The following GINM1 variants were observed in gnomAD, a reference collection of about 807,000 sequenced individuals.
GINM1 encodes glycosylated integral membrane protein 1, also known as glycoprotein integral membrane protein 1.
GINM1 carries 29 observed loss-of-function variants against 37.8 expected under a neutral mutation model. The ratio of observed to expected loss-of-function variants is 0.77; its 90% CI spans 0.57 to 1.05. The LOEUF is 1.05. Among genes scored for constraint, GINM1 ranks in the 50% least tolerant of loss-of-function variants. The probability of loss-of-function intolerance (pLI) is 0.00; values close to 1 mark genes in which losing one functional copy is unlikely to be tolerated. For missense variants in GINM1, 377 were observed against 397.9 expected (o/e 0.95, Z 0.45); for synonymous variants, 143 against 146.2 (o/e 0.98, Z 0.16).
intron 6 of GINM1, 106 bp downstream of exon 6, chr6:149,580,829 G>C (rs1287622054): frequency 1.0e-6 from 1 of 954,418 alleles, no homozygotes; most frequent in Non-Finnish European, 1.6e-6. Context: ...GAACTGTAGA[G>C]CATTGGTGAT....
Position 149,566,934 on chromosome 6 carries a change from C to T in GINM1, c.120+400C>T, listed in dbSNP as rs1224296163. On this transcript the variant is annotated intron_variant, in intron 1 of 7. Transcript: ENST00000367419. The surrounding 1 kb of genome is among the most constrained non-coding windows in gnomAD (Gnocchi z 4.4). ...CGGGAAGTGTGGAAGTTGCCCACTT[C>T]GCGCATTTCCAGGCCACTTGTGCCT... Among the ~76,000 whole-genome samples, 4 of 152,238 alleles carry T rather than the reference C, an allele frequency of 2.6e-5. No individual in the cohort carries two copies.
intron 3 of GINM1, chr6:149,577,240 A>T (rs1325171977): frequency 6.6e-6 from 1 of 152,262 alleles, no homozygotes; most frequent in Non-Finnish European, 1.5e-5. Context: ...TTTCTCACCC[A>T]TTGAGTCTCC....
chr6:149,580,108 TAA>T, intron 5 of GINM1, 118 bp downstream of exon 5: 1 of 655,572 alleles, frequency 1.5e-6, no homozygotes, highest in Non-Finnish European at 2.6e-6. Flanking sequence ...TATTTATCTT[TAA>T]TAGTTAATAT....
chr6:149,567,115 C>A (rs904748447), intron 1 of GINM1, among the ~76,000 whole-genome samples: 1 of 152,138 alleles, frequency 6.6e-6, no homozygotes, highest in Non-Finnish European at 1.5e-5. Context: ...CGGCGGTGTC[C>A]GCATCCCCTG....
chr6:149,576,623 T>C (rs889050265), intron 3 of GINM1, among the ~76,000 whole-genome samples: 3 of 151,958 alleles, frequency 2.0e-5, no homozygotes, highest in Non-Finnish European at 2.9e-5. Flanking sequence ...CATTCATAGA[T>C]CGATAGATAG....
chr6:149,572,665 G>C, intron 3 of GINM1, 62 bp downstream of exon 3: 1 of 1,048,948 alleles, frequency 9.5e-7, no homozygotes, highest in Non-Finnish European at 1.5e-6. Context: ...TGTTGTTGTT[G>C]TTGTTGTTTG....
At chr6:149,589,045 C>G (rs1293921740) in intron 7 of GINM1, among the ~76,000 whole-genome samples, 2 of 151,936 alleles carry the variant, frequency 1.3e-5, no homozygotes, top group Non-Finnish European at 2.9e-5. Flanking sequence ...CTCAAGTGAC[C>G]CACCCGTCTC....
chr6:149,566,399 G>C lies in GINM1; in HGVS notation c.-16G>C. ...CACCTCCCGGCCGCGGCTGCCCTCT[G>C]CCCGGGTTGTCCAAGATGGAGGGCG... On this transcript the variant is annotated 5_prime_UTR_variant, in exon 1 of 8. Coordinates refer to ENST00000367419, the MANE Select transcript of GINM1 (RefSeq NM_138785.5). This position sits in a 1 kb window ranked among gnomAD's most constrained non-coding sequence, Gnocchi z 4.4. 6.4e-7 allele frequency: 1 copy of C among 1,551,024 alleles called. No individual in the cohort carries two copies. The highest frequency in any genetic ancestry group is 8.6e-7 in the Non-Finnish European group (1 of 1,159,744).
chr6:149,579,695 CAAAA>C (rs552907905), intron 4 of GINM1, 135 bp from the exon 5 acceptor site: 109 of 392,060 alleles, frequency 2.8e-4, no homozygotes, highest in Middle Eastern at 6.6e-4. Flanking sequence ...AACTCCATCT[CAAAA>C]AAAAAAAAAA....
intron 1 of GINM1, among the ~76,000 whole-genome samples, chr6:149,572,058 C>T (rs1279838104): frequency 1.3e-5 from 2 of 149,790 alleles, no homozygotes; most frequent in Non-Finnish European, 3.0e-5. Context: ...TCCAGCCTGG[C>T]GACAAAGTGA....
At chr6:149,582,712 A>C in intron 7 of GINM1, 109 bp downstream of exon 7, 1 of 748,280 alleles carries the variant, frequency 1.3e-6, no homozygotes, top group Non-Finnish European at 2.0e-6. Context: ...GGTAAGACAA[A>C]TGGGAGGGAA....
chr6:149,573,675 C>T (rs1025357342), intron 3 of GINM1, among the ~76,000 whole-genome samples: 19 of 151,812 alleles, frequency 1.3e-4, no homozygotes, highest in African/African-American at 3.4e-4. Flanking sequence ...GAGACCAGCC[C>T]GGGCAACATG....
rs1187070025 is a variant in GINM1 at position 149,566,880 on chromosome 6, A to T, written c.120+346A>T. Among the ~76,000 whole-genome samples the T allele has an allele frequency of 6.6e-6, 1 of 152,212 alleles. No individual in the cohort carries two copies. The highest frequency in any genetic ancestry group is 1.5e-5 in the Non-Finnish European group (1 of 68,034). On this transcript the variant is annotated intron_variant, in intron 1 of 7. Coordinates refer to ENST00000367419, the MANE Select transcript of GINM1 (RefSeq NM_138785.5). The surrounding 1 kb of genome is among the most constrained non-coding windows in gnomAD (Gnocchi z 4.4). ...AATGGCGCCTTCCCGGGGTAGAGCC[A>T]GCGCTTGGGCAAGGAATGTTTGTGT...
chr6:149,575,549 A>G (rs565826706), intron 3 of GINM1, among the ~76,000 whole-genome samples: 38 of 152,298 alleles, frequency 2.5e-4, no homozygotes, highest in South Asian at 6.2e-4. Context: ...GCGGGAAGAA[A>G]TCACATAGGA....
intron 6 of GINM1, chr6:149,582,112 C>T (rs186821490): frequency 4.4e-5 from 21 of 482,750 alleles, no homozygotes; most frequent in East Asian, 1.3e-4. Context: ...ACTAGCCTAA[C>T]GAATCTCTTG....
chr6:149,570,477 T>C (rs1777802953), intron 1 of GINM1, among the ~76,000 whole-genome samples: 1 of 151,980 alleles, frequency 6.6e-6, no homozygotes, highest in Admixed American at 6.6e-5. Context: ...AAAAGCTGGC[T>C]AGTTCTGAGG....
chr6:149,588,797 T>C (rs9322189), intron 7 of GINM1, among the ~76,000 whole-genome samples: 64,467 of 147,312 alleles, frequency 0.44, 14,683 homozygotes, highest in East Asian at 0.81. Flanking sequence ...CTGGCTAATT[T>C]GTTGTTGTTG....
Position 149,566,506 on chromosome 6 carries a change from A to AGCC in GINM1, c.101_103dup (p.Pro34dup), listed in dbSNP as rs1207728457. The AGCC allele has an allele frequency of 1.3e-6, 2 of 1,533,256 alleles. No individual in the cohort carries two copies. The highest frequency in any genetic ancestry group is 1.7e-6 in the Non-Finnish European group (2 of 1,149,214). 95.0% of individuals were successfully genotyped at this position (1,533,256 alleles called of 1,614,324 possible). ...GGCTGGCTGACGACGGGCGCCCCCG[A>AGCC]GCCGCCGCCGCTGTCCGGAGCCCCA... On this transcript the variant is annotated inframe_insertion, in exon 1 of 8. Coordinates refer to ENST00000367419, the MANE Select transcript of GINM1 (RefSeq NM_138785.5). The surrounding 1 kb of genome is among the most constrained non-coding windows in gnomAD (Gnocchi z 4.4).
At chr6:149,573,920 T>TA (rs1777869529) in intron 3 of GINM1, among the ~76,000 whole-genome samples, 1 of 151,936 alleles carries the variant, frequency 6.6e-6, no homozygotes, top group African/African-American at 2.4e-5. Flanking sequence ...CTTCTACCCT[T>TA]ATGTCAGTAG....
Sources: gnomAD v4.1 joint callset for allele counts (sites outside exome capture counted in the v4.1 genomes callset) on GRCh38, gnomAD v4.1.1 for gene constraint, Gnocchi (gnomAD v3.1) non-coding constraint, MANE v1.5 for transcripts, NCBI Gene and HGNC (gene_info 2026-07-23, HGNC 2026-07-21) for gene names.